Variants in VSNL1 observed in about 807,000 individuals in gnomAD.
VSNL1 encodes the protein visinin-like protein 1.
In VSNL1, 6 loss-of-function variants were observed where a neutral mutation model predicts 20.4. That is an observed-to-expected ratio of 0.29 (90% CI 0.16 to 0.58). The LOEUF is 0.58. VSNL1 is among the 20% of genes least tolerant of loss of function. The pLI is 0.90. For missense variants in VSNL1, 100 were observed against 234.5 expected (o/e 0.43, Z 3.75); for synonymous variants, 93 against 86.4 (o/e 1.08, Z -0.42).
intron 2 of VSNL1, among the ~76,000 whole-genome samples, chr2:17,597,307 A>G (rs534368645): frequency 2.6e-5 from 4 of 152,236 alleles, no homozygotes; most frequent in African/African-American, 9.6e-5. Flanking sequence ...CAATCTCTCA[A>G]TGTCCTGACC....
intron 2 of VSNL1, among the ~76,000 whole-genome samples, chr2:17,602,153 AC>A (rs909316357): frequency 2.0e-4 from 31 of 152,210 alleles, no homozygotes; most frequent in African/African-American, 7.5e-4. Flanking sequence ...GGAGTCAGTT[AC>A]CCCTGCCCTC....
At chr2:17,544,408 T>G (rs907173877) in intron 1 of VSNL1, among the ~76,000 whole-genome samples, 4 of 152,182 alleles carry the variant, frequency 2.6e-5, no homozygotes, top group African/African-American at 4.8e-5. Flanking sequence ...AGATAGCCTT[T>G]GCAGAGATGC....
intron 1 of VSNL1, among the ~76,000 whole-genome samples, chr2:17,544,046 GA>G (rs1344873487): frequency 6.6e-6 from 1 of 152,108 alleles, no homozygotes; most frequent in Non-Finnish European, 1.5e-5. Flanking sequence ...ATTCTTACAT[GA>G]AAAAAGCTGA....
chr2:17,642,279 T>C (rs1276342388), intron 2 of VSNL1, among the ~76,000 whole-genome samples: 1 of 150,278 alleles, frequency 6.7e-6, no homozygotes, highest in East Asian at 1.9e-4. Context: ...AACATAGAGA[T>C]GATTCTGGCT....
intron 1 of VSNL1, among the ~76,000 whole-genome samples, chr2:17,569,565 A>G (rs538803911): frequency 2.0e-5 from 3 of 152,070 alleles, no homozygotes; most frequent in Non-Finnish European, 2.9e-5. Context: ...TTCTAGCTTC[A>G]TTATCTCTTA....
chr2:17,594,288 A>T (rs1444467664), intron 2 of VSNL1, among the ~76,000 whole-genome samples: 1 of 152,156 alleles, frequency 6.6e-6, no homozygotes, highest in African/African-American at 2.4e-5. Context: ...TTAGGTCTAT[A>T]TTTTTGGCAA....
At chr2:17,602,730 A>C (rs971589176) in intron 2 of VSNL1, among the ~76,000 whole-genome samples, 61 of 151,902 alleles carry the variant, frequency 4.0e-4, no homozygotes, top group Non-Finnish European at 1.5e-4. Context: ...ACAGAGTAAG[A>C]CTCCATCTCA....
intron 1 of VSNL1, among the ~76,000 whole-genome samples, chr2:17,562,580 G>T (rs1663841703): frequency 6.6e-6 from 1 of 152,114 alleles, no homozygotes; most frequent in African/African-American, 2.4e-5. Context: ...CTATAAGTAT[G>T]CCCTTAGGTT....
At chr2:17,553,210 C>T (rs988520912) in intron 1 of VSNL1, among the ~76,000 whole-genome samples, 3 of 152,108 alleles carry the variant, frequency 2.0e-5, no homozygotes, top group Admixed American at 2.0e-4. Flanking sequence ...CATTTTGTTC[C>T]TGGATGGATA....
At chr2:17,628,128 T>C (rs956545062) in intron 2 of VSNL1, among the ~76,000 whole-genome samples, 2 of 152,152 alleles carry the variant, frequency 1.3e-5, no homozygotes, top group African/African-American at 4.8e-5. Context: ...GAAGTACAAA[T>C]AAAAGGTTAA....
chr2:17,616,747 C>T (rs149635532), intron 2 of VSNL1, among the ~76,000 whole-genome samples: 52 of 152,298 alleles, frequency 3.4e-4, no homozygotes, highest in Admixed American at 6.5e-4. Flanking sequence ...GCCATCTGGA[C>T]CCCAGAGTCC....
At chr2:17,569,223 C>T (rs62131533) in intron 1 of VSNL1, among the ~76,000 whole-genome samples, 5,012 of 151,868 alleles carry the variant, frequency 0.033, 89 homozygotes, top group East Asian at 0.098. Context: ...AGGAGGATTG[C>T]TTGAACTCAG....
chr2:17,564,512 T>C (rs1663891891), intron 1 of VSNL1, among the ~76,000 whole-genome samples: 1 of 152,222 alleles, frequency 6.6e-6, no homozygotes, highest in South Asian at 2.1e-4. Flanking sequence ...ATCCTCATTG[T>C]GTGTTCTTAG....
chr2:17,620,217 G>A (rs777039764), intron 2 of VSNL1, among the ~76,000 whole-genome samples: 29 of 152,196 alleles, frequency 1.9e-4, no homozygotes, highest in Non-Finnish European at 4.1e-4. Flanking sequence ...CTGTATGAAC[G>A]GGCAAAACCC....
intron 2 of VSNL1, among the ~76,000 whole-genome samples, chr2:17,623,518 A>C (rs1020337931): frequency 1.3e-5 from 2 of 152,028 alleles, no homozygotes; most frequent in African/African-American, 4.8e-5. Flanking sequence ...AAATACAAAA[A>C]AATTAGCAGG....
At chr2:17,543,932 C>T (rs1663352361) in intron 1 of VSNL1, among the ~76,000 whole-genome samples, 1 of 152,096 alleles carries the variant, frequency 6.6e-6, no homozygotes, top group African/African-American at 2.4e-5. Context: ...ACATTCTATG[C>T]CTCCTAAATA....
At chr2:17,553,126 C>A (rs1663584092) in intron 1 of VSNL1, among the ~76,000 whole-genome samples, 1 of 152,012 alleles carries the variant, frequency 6.6e-6, no homozygotes, top group Non-Finnish European at 1.5e-5. Flanking sequence ...GAATAGTAGG[C>A]CAAAAAGCGT....
At chr2:17,607,944 C>T (rs1664986583) in intron 2 of VSNL1, among the ~76,000 whole-genome samples, 1 of 152,132 alleles carries the variant, frequency 6.6e-6, no homozygotes, top group South Asian at 2.1e-4. Flanking sequence ...ATAACATCCC[C>T]CATTCTGAGA....
chr2:17,624,486 C>A (rs572977246), intron 2 of VSNL1, among the ~76,000 whole-genome samples: 56 of 152,348 alleles, frequency 3.7e-4, no homozygotes, highest in Non-Finnish European at 7.1e-4. Context: ...GGTTACTAAT[C>A]AGCTAACCTG....
Sources: allele counts gnomAD v4.1 joint callset (sites outside exome capture counted in the v4.1 genomes callset), GRCh38; gene constraint gnomAD v4.1.1; transcripts MANE v1.5; gene names NCBI Gene and HGNC (gene_info 2026-07-23, HGNC 2026-07-21).